Variants in GATAD2B observed in about 807,000 individuals in gnomAD.
The protein encoded by GATAD2B is GATA zinc finger domain containing 2B.
GATAD2B carries 8 observed loss-of-function variants against 64.3 expected under a neutral mutation model. The ratio of observed to expected loss-of-function variants is 0.12; its 90% CI spans 0.07 to 0.22. The LOEUF is 0.22. GATAD2B is among the 10% of genes least tolerant of loss of function. GATAD2B has a pLI of 1.00. For synonymous variants in GATAD2B, 281 were observed against 271.3 expected, an observed-to-expected ratio of 1.04 and a Z score of -0.35; for missense variants, 453 against 752.0, an observed-to-expected ratio of 0.60 and a Z score of 4.65.
intron 2 of GATAD2B, among the ~76,000 whole-genome samples, chr1:153,823,355 T>C (rs906234837): frequency 4.6e-5 from 7 of 152,220 alleles, no homozygotes; most frequent in Non-Finnish European, 1.0e-4. Context: ...AGACAACTGC[T>C]GTGTCTCTCT....
chr1:153,902,009 A>G (rs1272950774), intron 1 of GATAD2B, among the ~76,000 whole-genome samples: 1 of 146,542 alleles, frequency 6.8e-6, no homozygotes, highest in Non-Finnish European at 1.5e-5. Context: ...GGCCGCGCAC[A>G]GTGGTTCACA....
intron 1 of GATAD2B, among the ~76,000 whole-genome samples, chr1:153,860,767 C>T (rs1676253400): frequency 6.6e-6 from 1 of 152,110 alleles, no homozygotes; most frequent in Non-Finnish European, 1.5e-5. Flanking sequence ...CTCAAGTGAT[C>T]CTCTGGACTC....
At chr1:153,831,024 G>C (rs1285724609) in intron 1 of GATAD2B, among the ~76,000 whole-genome samples, 2 of 152,154 alleles carry the variant, frequency 1.3e-5, no homozygotes, top group Non-Finnish European at 2.9e-5. Flanking sequence ...TCCTGCGTCA[G>C]CCTCTCAAAG....
At chr1:153,836,269 T>G (rs1350054379) in intron 1 of GATAD2B, among the ~76,000 whole-genome samples, 2 of 150,310 alleles carry the variant, frequency 1.3e-5, no homozygotes, top group African/African-American at 2.4e-5. Flanking sequence ...ATTTGTTTTT[T>G]TTTTTTTTTT....
chr1:153,872,316 C>CAAAAA (rs779386978), intron 1 of GATAD2B, among the ~76,000 whole-genome samples: 1 of 58,696 alleles, frequency 1.7e-5, no homozygotes, highest in African/African-American at 6.0e-5. Context: ...ACTCTGTCTC[C>CAAAAA]AAAAAAAAAA....
At chr1:153,882,712 TCACCTACCACATCC>T (rs1340736721) in intron 1 of GATAD2B, among the ~76,000 whole-genome samples, 2 of 152,192 alleles carry the variant, frequency 1.3e-5, no homozygotes, top group African/African-American at 2.4e-5. Context: ...TAGCACCTCC[TCACCTACCACATCC>T]CACTTACCAC....
intron 7 of GATAD2B, among the ~76,000 whole-genome samples, chr1:153,813,959 C>G (rs985071801): frequency 6.6e-6 from 1 of 152,194 alleles, no homozygotes; most frequent in Non-Finnish European, 1.5e-5. Context: ...GCCTGGGTAA[C>G]AGAACAAGAC....
chr1:153,810,081 G>A lies in GATAD2B; in HGVS notation c.*96C>T. ...CTGTTTTGCTTTCCGTGTATGGTAG[G>A]CACCAGTACAGGCACTGCATGCGAC... On this transcript the variant is annotated 3_prime_UTR_variant, in exon 11 of 11. Coordinates refer to ENST00000368655, the MANE Select transcript of GATAD2B (RefSeq NM_020699.4). The A allele has an allele frequency of 8.4e-7, 1 of 1,186,694 alleles. No homozygotes were observed. Among genetic ancestry groups the A allele is most frequent in the Non-Finnish European group, 1.2e-6 (1 of 848,016 alleles). The allele number at this position is 1,186,694 out of a possible 1,614,324, so 73.5% of individuals were successfully genotyped here. A position where few individuals can be genotyped will look rare whatever the true frequency, so the allele number is the denominator to read the frequency against.
intron 2 of GATAD2B, among the ~76,000 whole-genome samples, chr1:153,825,336 C>T (rs1407876358): frequency 1.3e-5 from 2 of 152,160 alleles, no homozygotes; most frequent in Admixed American, 6.6e-5. Flanking sequence ...GCTGGCACTA[C>T]CTATAACTTA....
Position 153,922,786 on chromosome 1 carries a change from G to A in GATAD2B, c.-55C>T, listed in dbSNP as rs974140549. On this transcript the variant is annotated 5_prime_UTR_variant, in exon 1 of 11. Transcript: ENST00000368655. ...GCTCGCCTCCTCAGGCGGCGGCGGAGGCGTCGAAAAAGGAAGAGGCGACGG... is the reference window on the plus strand; with the variant it reads ...GCTCGCCTCCTCAGGCGGCGGCGGAAGCGTCGAAAAAGGAAGAGGCGACGG... 2 of 152,184 alleles carry A rather than the reference G, an allele frequency of 1.3e-5. No individual in the cohort carries two copies. The highest frequency in any genetic ancestry group is 1.3e-4 in the Admixed American group (2 of 15,218). The allele number at this position is 152,184 out of a possible 1,614,324, so 9.4% of individuals were successfully genotyped here.
chr1:153,889,542 T>C (rs1677301576), intron 1 of GATAD2B: 1 of 156,230 alleles, frequency 6.4e-6, no homozygotes, highest in African/African-American at 2.4e-5. Context: ...CATCCAATTA[T>C]CGGAATTTCA....
rs1402914463 is a variant in GATAD2B, at chr1:153,852,102, A to G, written c.-1-23754T>C. The G allele has an allele frequency of 1.4e-5, 8 of 590,250 alleles. No individual in the cohort carries two copies. The Admixed American group carries it at 2.1e-4, about 15-fold the overall frequency. The allele number at this position is 590,250 out of a possible 1,614,324, so 36.6% of individuals were successfully genotyped here. ...TTCACTGGTGACAGGGGCAAGTTTA[A>G]TGAGTTTTGTGCTCAGATCGCTGGG... On this transcript the variant is annotated intron_variant, in intron 1 of 10. Transcript: ENST00000368655.
chr1:153,842,220 G>A (rs77792785), intron 1 of GATAD2B, among the ~76,000 whole-genome samples: 1,955 of 152,230 alleles, frequency 0.013, 42 homozygotes, highest in African/African-American at 0.045. Context: ...TTTCCCTAAT[G>A]GCTAATGATG....
At chr1:153,853,224 T>C (rs982306440) in intron 1 of GATAD2B, 3 of 1,116,878 alleles carry the variant, frequency 2.7e-6, no homozygotes, top group African/African-American at 1.5e-5. Flanking sequence ...CAGAGCACAC[T>C]GGTCATGGCC....
chr1:153,888,181 A>G (rs1677242703), intron 1 of GATAD2B, among the ~76,000 whole-genome samples: 1 of 152,146 alleles, frequency 6.6e-6, no homozygotes, highest in South Asian at 2.1e-4. Context: ...TTCATTTATC[A>G]TACAGCACAA....
intron 1 of GATAD2B, among the ~76,000 whole-genome samples, chr1:153,913,089 T>TA (rs1262547650): frequency 1.3e-5 from 2 of 150,444 alleles, no homozygotes; most frequent in South Asian, 2.2e-4. Context: ...ACTCCGTCTC[T>TA]AAAAAAAATT....
intron 1 of GATAD2B, among the ~76,000 whole-genome samples, chr1:153,857,170 C>A (rs1368790263): frequency 6.6e-6 from 1 of 151,470 alleles, no homozygotes; most frequent in Non-Finnish European, 1.5e-5. Flanking sequence ...ATTGGCCGGG[C>A]GCAGTGGCTC....
rs568000256 is a variant in GATAD2B, at chr1:153,860,019, G to A, written c.-1-31671C>T. 7.5e-4 allele frequency among the ~76,000 whole-genome samples: 105 copies of A among 139,482 alleles called. 1 individual carries two copies. The highest frequency in any genetic ancestry group is 3.5e-3 in the South Asian group (15 of 4,286). The allele number at this position is 139,482 out of a possible 152,430, so 91.5% of individuals were successfully genotyped here. On this transcript the variant is annotated intron_variant, in intron 1 of 10. Transcript: ENST00000368655. ...TGGAACCTCTGCCCCAGGTTCAAGC[G>A]ATTCTCCTGCCTCAGTCTCCCAAGT...
intron 2 of GATAD2B, among the ~76,000 whole-genome samples, chr1:153,827,303 C>T (rs534115737): frequency 4.3e-4 from 65 of 151,108 alleles, no homozygotes; most frequent in African/African-American, 1.6e-3. Flanking sequence ...AAAAAAAAAC[C>T]CCAACTAGGG....
Sources: allele counts gnomAD v4.1 joint callset (sites outside exome capture counted in the v4.1 genomes callset), GRCh38; gene constraint gnomAD v4.1.1; transcripts MANE v1.5; gene names NCBI Gene and HGNC (gene_info 2026-07-23, HGNC 2026-07-21).